The following SORCS2 variants were observed in gnomAD, a reference collection of about 807,000 sequenced individuals.
SORCS2 encodes the protein sortilin related VPS10 domain containing receptor 2.
A neutral mutation model predicts 141.6 loss-of-function variants in SORCS2; 100 were observed. That is an observed-to-expected ratio of 0.71 (90% CI 0.60 to 0.83). The LOEUF (loss-of-function observed/expected upper bound fraction) is 0.83, where lower values mean the gene tolerates loss of function less well. SORCS2 is among the 40% of genes least tolerant of loss of function. The pLI, the probability that SORCS2 is intolerant of heterozygous loss-of-function variation, is 0.00. For missense variants in SORCS2, 1,646 were observed against 1,560.2 expected (o/e 1.05, Z -0.93); for synonymous variants, 789 against 676.9 (o/e 1.17, Z -2.57).
intron 11 of SORCS2, among the ~76,000 whole-genome samples, chr4:7,693,542 C>T (rs772029162): frequency 6.6e-6 from 1 of 152,240 alleles, no homozygotes; most frequent in African/African-American, 2.4e-5. Context: ...CTGTCCTTTG[C>T]CCCATCCTGG....
intron 1 of SORCS2, among the ~76,000 whole-genome samples, chr4:7,308,861 C>T (rs576628850): frequency 1.3e-4 from 20 of 152,318 alleles, no homozygotes; most frequent in Middle Eastern, 3.4e-3. Context: ...AGGATAAAGC[C>T]ACAGACCCTG....
At chr4:7,697,070 G>A (rs1577086436) in intron 11 of SORCS2, 128 bp from the exon 12 acceptor site, 1 of 724,374 alleles carries the variant, frequency 1.4e-6, no homozygotes, top group Non-Finnish European at 2.4e-6. Context: ...GCCACAGCAG[G>A]TCTGTGGGGG....
intron 1 of SORCS2, among the ~76,000 whole-genome samples, chr4:7,321,675 G>A (rs1359520223): frequency 1.3e-5 from 2 of 152,240 alleles, no homozygotes; most frequent in South Asian, 2.1e-4. Flanking sequence ...CAGGCCTAAA[G>A]AGGGCTGGGC....
rs367996106 is a variant in SORCS2 at position 7,385,694 on chromosome 4, T to C, written c.481-10594T>C. ...AGGTGGGCAGCTTGAGCCACCACCG[T>C]TCCCATGTGGTGAGGGACAGACGCC... On this transcript the variant is annotated intron_variant, in intron 1 of 26. Coordinates refer to ENST00000507866, the MANE Select transcript of SORCS2 (RefSeq NM_020777.3). 1.9e-4 allele frequency among the ~76,000 whole-genome samples: 29 copies of C among 152,334 alleles called. No homozygotes were observed. In the East Asian group the frequency reaches 3.7e-3, roughly 19 times the overall value.
chr4:7,228,231 C>G (rs28653648), intron 1 of SORCS2, among the ~76,000 whole-genome samples: 9,219 of 152,272 alleles, frequency 0.061, 559 homozygotes, highest in East Asian at 0.27. Context: ...TCTCCTCTTC[C>G]TGTGAAGATA....
chr4:7,728,631 G>T (rs1727389013), intron 22 of SORCS2, among the ~76,000 whole-genome samples, 169 bp downstream of exon 22: 1 of 152,224 alleles, frequency 6.6e-6, no homozygotes, highest in Non-Finnish European at 1.5e-5. Context: ...TGGATGGGGG[G>T]CAGGCACACT....
chr4:7,261,815 G>A (rs1714347359), intron 1 of SORCS2, among the ~76,000 whole-genome samples: 2 of 152,224 alleles, frequency 1.3e-5, no homozygotes, highest in South Asian at 2.1e-4. Context: ...TTTGCCTGGG[G>A]AAGGGGCCCT....
At chr4:7,483,040 G>A (rs1162620862) in intron 2 of SORCS2, among the ~76,000 whole-genome samples, 1 of 152,192 alleles carries the variant, frequency 6.6e-6, no homozygotes, top group Non-Finnish European at 1.5e-5. Context: ...AAAAGGAGAG[G>A]CCGGGCGCGG....
intron 1 of SORCS2, among the ~76,000 whole-genome samples, chr4:7,333,920 G>T (rs1250893974): frequency 6.6e-6 from 1 of 152,180 alleles, no homozygotes; most frequent in Non-Finnish European, 1.5e-5. Flanking sequence ...AGAAGGCAGG[G>T]CTGGCCTCTG....
In SORCS2 at chr4:7,579,300, T is replaced by C. The variant is rs545009137; in HGVS notation, c.648+47671T>C. Among the ~76,000 whole-genome samples the C allele has an allele frequency of 2.0e-5, 3 of 152,344 alleles. No homozygotes were observed. The East Asian group carries it at 5.8e-4, about 29-fold the overall frequency. On this transcript the variant is annotated intron_variant, in intron 3 of 26. Transcript: ENST00000507866. ...TTAATTCTATTTCATAATAACCATA[T>C]ACTGAGTAGCTGAGTACCTACAAAA...
chr4:7,468,918 G>A (rs990160071), intron 2 of SORCS2, among the ~76,000 whole-genome samples: 1 of 152,214 alleles, frequency 6.6e-6, no homozygotes. Context: ...GTGGCCGTGT[G>A]ACCTTGGACA....
chr4:7,590,842 G>A (rs1422737798), intron 3 of SORCS2, among the ~76,000 whole-genome samples: 2 of 152,222 alleles, frequency 1.3e-5, no homozygotes, highest in Admixed American at 1.3e-4. Flanking sequence ...GGACAAATGT[G>A]TCTTGTGTTA....
At chr4:7,402,372 G>A (rs1200675454) in intron 2 of SORCS2, among the ~76,000 whole-genome samples, 1 of 152,170 alleles carries the variant, frequency 6.6e-6, no homozygotes, top group Non-Finnish European at 1.5e-5. Context: ...TATCTTGATT[G>A]TCTGTCTGTA....
intron 24 of SORCS2, 34 bp downstream of exon 24, chr4:7,733,455 G>C: frequency 6.6e-7 from 1 of 1,514,300 alleles, no homozygotes; most frequent in Non-Finnish European, 8.9e-7. Flanking sequence ...CGGAATGGGT[G>C]GAGGAGGCAT....
intron 21 of SORCS2, among the ~76,000 whole-genome samples, 160 bp from the exon 22 acceptor site, chr4:7,728,190 G>A (rs935512049): frequency 3.9e-5 from 6 of 152,282 alleles, no homozygotes; most frequent in South Asian, 2.1e-4. Context: ...GACTGCTGTC[G>A]GCCTGCTTGA....
intron 4 of SORCS2, among the ~76,000 whole-genome samples, chr4:7,649,328 G>A (rs1721284401): frequency 6.7e-6 from 1 of 149,926 alleles, no homozygotes; most frequent in Non-Finnish European, 1.5e-5. Flanking sequence ...TGAGCAGGAT[G>A]GCAGCCAGAG....
At chr4:7,563,590 C>G (rs922294743) in intron 3 of SORCS2, among the ~76,000 whole-genome samples, 1 of 152,174 alleles carries the variant, frequency 6.6e-6, no homozygotes, top group Non-Finnish European at 1.5e-5. Context: ...GAATCTGACC[C>G]AGCTCCCTTT....
intron 1 of SORCS2, among the ~76,000 whole-genome samples, chr4:7,267,312 T>G (rs543651672): frequency 6.6e-6 from 1 of 152,318 alleles, no homozygotes; most frequent in South Asian, 2.1e-4. Context: ...ACAAAACACC[T>G]GCTTACTTGA....
chr4:7,217,424 C>T (rs944674659), intron 1 of SORCS2, among the ~76,000 whole-genome samples: 4 of 152,198 alleles, frequency 2.6e-5, no homozygotes, highest in Non-Finnish European at 2.9e-5. Context: ...TCGCCTGGCT[C>T]GTGGCCTCTG....
Sources: allele counts gnomAD v4.1 joint callset (sites outside exome capture counted in the v4.1 genomes callset), GRCh38; gene constraint gnomAD v4.1.1; transcripts MANE v1.5; gene names NCBI Gene and HGNC (gene_info 2026-07-23, HGNC 2026-07-21).